Variants in ADCY2 observed in about 807,000 individuals in gnomAD.
ADCY2 encodes adenylate cyclase 2, also known as adenylate cyclase type 2.
In ADCY2, 31 loss-of-function variants were observed where a neutral mutation model predicts 125.2. That is an observed-to-expected ratio of 0.25 (90% CI 0.19 to 0.33). The LOEUF (loss-of-function observed/expected upper bound fraction) is 0.33. ADCY2 is among the 10% of genes least tolerant of loss of function. The pLI is 1.00. For missense variants in ADCY2, 904 were observed against 1,418.2 expected (o/e 0.64, Z 5.82); for synonymous variants, 512 against 548.4 (o/e 0.93, Z 0.93).
chr5:7,780,698 C>T (rs1441340287), intron 18 of ADCY2, among the ~76,000 whole-genome samples: 1 of 152,182 alleles, frequency 6.6e-6, no homozygotes, highest in African/African-American at 2.4e-5. Context: ...AATATTCACC[C>T]ACAGAAATGT....
chr5:7,601,946 C>T (rs1334098550), intron 3 of ADCY2, among the ~76,000 whole-genome samples: 1 of 152,184 alleles, frequency 6.6e-6, no homozygotes, highest in Admixed American at 6.5e-5. Context: ...GGGCCATGTT[C>T]CCTCTGGAGG....
intron 2 of ADCY2, among the ~76,000 whole-genome samples, chr5:7,482,404 C>T (rs934614393): frequency 2.6e-4 from 39 of 152,074 alleles, no homozygotes; most frequent in African/African-American, 9.2e-4. Context: ...CATTCTTGAT[C>T]ATTTCCTTTG....
At chr5:7,558,101 G>A (rs1197782383) in intron 3 of ADCY2, among the ~76,000 whole-genome samples, 5 of 151,092 alleles carry the variant, frequency 3.3e-5, no homozygotes, top group Admixed American at 2.0e-4. Context: ...TGCCCAGGCT[G>A]TAGTGCAGTG....
At chr5:7,720,603 G>C (rs1176773836) in intron 12 of ADCY2, among the ~76,000 whole-genome samples, 1 of 151,538 alleles carries the variant, frequency 6.6e-6, no homozygotes, top group Non-Finnish European at 1.5e-5. Flanking sequence ...GTGTCCAAGT[G>C]TTCTCATTGT....
intron 9 of ADCY2, 64 bp downstream of exon 9, chr5:7,707,902 A>T (rs1272216667): frequency 1.9e-6 from 3 of 1,545,096 alleles, no homozygotes; most frequent in Admixed American, 1.8e-5. Flanking sequence ...GATATTCATA[A>T]GTGTTTTTAG....
intron 7 of ADCY2, 150 bp from the exon 8 acceptor site, chr5:7,706,594 T>C: frequency 1.2e-6 from 1 of 835,280 alleles, no homozygotes; most frequent in Non-Finnish European, 1.9e-6. Flanking sequence ...CCTTCTTAGC[T>C]CAGAGGAGTG....
At chr5:7,409,882 T>C (rs185839186) in intron 1 of ADCY2, among the ~76,000 whole-genome samples, 1,565 of 152,334 alleles carry the variant, frequency 0.01, 9 homozygotes, top group Non-Finnish European at 0.014. Flanking sequence ...TTAAAATTAT[T>C]ATAATTGCCT....
chr5:7,441,306 G>T (rs1741005066), intron 2 of ADCY2, among the ~76,000 whole-genome samples: 1 of 152,144 alleles, frequency 6.6e-6, no homozygotes, highest in African/African-American at 2.4e-5. Context: ...ACTTCCTGAT[G>T]GCTGAAATCC....
chr5:7,677,945 T>C (rs1439815001), intron 4 of ADCY2, among the ~76,000 whole-genome samples: 1 of 152,234 alleles, frequency 6.6e-6, no homozygotes, highest in Non-Finnish European at 1.5e-5. Context: ...TAAGATTTAA[T>C]ATTTTACCAG....
chr5:7,651,732 C>T (rs1561145712), intron 4 of ADCY2, among the ~76,000 whole-genome samples: 1 of 152,176 alleles, frequency 6.6e-6, no homozygotes, highest in African/African-American at 2.4e-5. Context: ...ATCAAGTTGA[C>T]ACTCAGTGTT....
intron 2 of ADCY2, among the ~76,000 whole-genome samples, chr5:7,452,664 A>G (rs1035634929): frequency 3.9e-5 from 6 of 152,190 alleles, no homozygotes; most frequent in Non-Finnish European, 8.8e-5. Context: ...GAATTCTTTG[A>G]GAAATCTCCA....
chr5:7,705,177 G>A (rs1741228523), intron 7 of ADCY2, among the ~76,000 whole-genome samples: 1 of 152,194 alleles, frequency 6.6e-6, no homozygotes, highest in African/African-American at 2.4e-5. Flanking sequence ...AATCATCATT[G>A]CTCAAAGACA....
rs528344179 is a variant in ADCY2 at position 7,673,697 on chromosome 5, G to A, written c.721-16994G>A. 3.9e-5 allele frequency among the ~76,000 whole-genome samples: 6 copies of A among 152,256 alleles called. No individual in the cohort carries two copies. The South Asian group carries it at 1.2e-3, about 32-fold the overall frequency. ...AAGTTGTCCCTGGTTGCAACCACTGGTTTAGAATGCAGCCCCGCAGGAAAG... is the reference window on the plus strand; with the variant it reads ...AAGTTGTCCCTGGTTGCAACCACTGATTTAGAATGCAGCCCCGCAGGAAAG... On this transcript the variant is annotated intron_variant, in intron 4 of 24. Transcript: ENST00000338316.
At chr5:7,705,941 A>G (rs1741253990) in intron 7 of ADCY2, among the ~76,000 whole-genome samples, 1 of 152,148 alleles carries the variant, frequency 6.6e-6, no homozygotes, top group Admixed American at 6.5e-5. Flanking sequence ...TTTCACTACA[A>G]TTCACAAGTG....
chr5:7,813,333 A>G (rs1361942986), intron 22 of ADCY2, among the ~76,000 whole-genome samples: 1 of 152,244 alleles, frequency 6.6e-6, no homozygotes. Flanking sequence ...GAGGAAGGTT[A>G]TGTTTATTTT....
At chr5:7,787,811 A>G (rs922512178) in intron 19 of ADCY2, among the ~76,000 whole-genome samples, 2 of 152,168 alleles carry the variant, frequency 1.3e-5, no homozygotes, top group African/African-American at 4.8e-5. Flanking sequence ...CAAACTGCTT[A>G]CCTGTTATGC....
At chr5:7,687,553 G>A (rs968682241) in intron 4 of ADCY2, among the ~76,000 whole-genome samples, 1 of 152,162 alleles carries the variant, frequency 6.6e-6, no homozygotes, top group African/African-American at 2.4e-5. Context: ...TCATGAAAGG[G>A]GCTGATGGTG....
intron 2 of ADCY2, among the ~76,000 whole-genome samples, chr5:7,467,834 C>T (rs1159807759): frequency 6.6e-6 from 1 of 152,110 alleles, no homozygotes; most frequent in East Asian, 1.9e-4. Flanking sequence ...AATAGTTTTT[C>T]TAGAACTTCA....
At chr5:7,660,813 A>G (rs1049173972) in intron 4 of ADCY2, among the ~76,000 whole-genome samples, 2 of 152,160 alleles carry the variant, frequency 1.3e-5, no homozygotes, top group East Asian at 1.9e-4. Flanking sequence ...TCACAGTGAC[A>G]TCTATACTAC....
Sources: gnomAD v4.1 joint callset for allele counts (sites outside exome capture counted in the v4.1 genomes callset) on GRCh38, gnomAD v4.1.1 for gene constraint, MANE v1.5 for transcripts, NCBI Gene and HGNC (gene_info 2026-07-23, HGNC 2026-07-21) for gene names.